Variants in POU2F3 observed in about 807,000 individuals in gnomAD.
The protein encoded by POU2F3 is POU class 2 homeobox 3.
A neutral mutation model predicts 59.2 loss-of-function variants in POU2F3; 23 were observed. That is an observed-to-expected ratio of 0.39 (90% CI 0.28 to 0.55). The LOEUF (loss-of-function observed/expected upper bound fraction) is 0.55. Among genes scored for constraint, POU2F3 ranks in the 20% least tolerant of loss-of-function variants. POU2F3 has a pLI of 0.66. For missense variants in POU2F3, 473 were observed against 544.5 expected (o/e 0.87, Z 1.31); for synonymous variants, 190 against 214.6 (o/e 0.89, Z 1.00).
At chr11:120,290,373 G>A (rs1481304723) in intron 3 of POU2F3, among the ~76,000 whole-genome samples, 6 of 152,148 alleles carry the variant, frequency 3.9e-5, no homozygotes, top group Non-Finnish European at 7.3e-5. Flanking sequence ...GCCTGGAAAT[G>A]TTTACCCCAA....
At chr11:120,317,115 G>C in intron 11 of POU2F3, 114 bp from the exon 12 acceptor site, 1 of 1,280,632 alleles carries the variant, frequency 7.8e-7, no homozygotes, top group Non-Finnish European at 1.1e-6. Flanking sequence ...CTAGGGAGAG[G>C]GTGAGGTCCC....
intron 9 of POU2F3, 37 bp downstream of exon 9, chr11:120,307,652 C>A (rs775508938): frequency 6.2e-7 from 1 of 1,611,722 alleles, no homozygotes; most frequent in Non-Finnish European, 8.5e-7. Flanking sequence ...GGTGGGCTAC[C>A]TCACACAGGT....
chr11:120,272,336 T>A (rs1463460279), intron 3 of POU2F3, among the ~76,000 whole-genome samples: 1 of 152,152 alleles, frequency 6.6e-6, no homozygotes, highest in East Asian at 1.9e-4. Flanking sequence ...ATTTTTCCCA[T>A]GAGGCCTTGC....
chr11:120,236,691 TGCTAAAGGAGGAAGG>T, upstream of POU2F3: 2 of 1,505,802 alleles, frequency 1.3e-6, no homozygotes, highest in Non-Finnish European at 1.8e-6. Context: ...CTCCAAGAAC[TGCTAAAGGAGGAAGG>T]GGTAAAGGAG....
intron 11 of POU2F3, among the ~76,000 whole-genome samples, chr11:120,315,933 C>T (rs1278024673): frequency 6.9e-6 from 1 of 145,944 alleles, no homozygotes; most frequent in Non-Finnish European, 1.5e-5. Context: ...AGTGCAATGG[C>T]ACGATCTCAG....
chr11:120,309,302 C>A (rs1941590147), intron 9 of POU2F3, 123 bp from the exon 10 acceptor site: 1 of 1,006,688 alleles, frequency 9.9e-7, no homozygotes, highest in Non-Finnish European at 1.4e-6. Context: ...GCCAGTATTT[C>A]ATCCTAGGTC....
chr11:120,299,815 G>A, intron 5 of POU2F3, 89 bp downstream of exon 5: 1 of 1,090,584 alleles, frequency 9.2e-7, no homozygotes, highest in South Asian at 1.5e-5. Flanking sequence ...GGCCTAATTG[G>A]AGAGCATGCG....
At position 120,269,024 on chromosome 11, in the gene POU2F3, C is replaced by T. The variant is rs577117937; in HGVS notation, c.98-186C>T. On this transcript the variant is annotated intron_variant, in intron 2 of 12. Transcript: ENST00000543440. ...TGACCCTTTACCCAGCTATCACCACCCTGGAGGAGACTTTCCAAAGGCGTT... is the reference window on the plus strand; with the variant it reads ...TGACCCTTTACCCAGCTATCACCACTCTGGAGGAGACTTTCCAAAGGCGTT... 3.9e-5 allele frequency among the ~76,000 whole-genome samples: 6 copies of T among 152,288 alleles called. No individual in the cohort carries two copies. In the East Asian group the frequency reaches 1.2e-3, roughly 29 times the overall value.
rs539253106 is a variant in POU2F3 at position 120,259,652 on chromosome 11, C to T, written c.98-9558C>T. On this transcript the variant is annotated intron_variant, in intron 2 of 12. Coordinates refer to ENST00000543440, the MANE Select transcript of POU2F3 (RefSeq NM_014352.4). ...CAGGCTTCTCCTGGATATTTCCTCA[C>T]TCCTAAGAAGGAGGTGGCAGGAATG... is the stretch of plus-strand genomic sequence containing the variant. Among the ~76,000 whole-genome samples the T allele has an allele frequency of 3.9e-5, 6 of 152,294 alleles. No individual in the cohort carries two copies. In the South Asian group the frequency reaches 8.3e-4, roughly 21 times the overall value.
chr11:120,274,305 C>T (rs915023946), intron 3 of POU2F3, among the ~76,000 whole-genome samples: 8 of 152,110 alleles, frequency 5.3e-5, no homozygotes, highest in South Asian at 2.1e-4. Flanking sequence ...ATCTGTCTCA[C>T]GGGGTTATTG....
chr11:120,273,279 T>C (rs1160919803), intron 3 of POU2F3, among the ~76,000 whole-genome samples: 1 of 152,192 alleles, frequency 6.6e-6, no homozygotes, highest in Non-Finnish European at 1.5e-5. Context: ...AAGTGCTGGA[T>C]AGAGAGGTGT....
intron 1 of POU2F3, among the ~76,000 whole-genome samples, chr11:120,241,340 C>A (rs1262203651): frequency 6.6e-6 from 1 of 152,144 alleles, no homozygotes; most frequent in Non-Finnish European, 1.5e-5. Flanking sequence ...AGGGAGGAGG[C>A]AATGCTCCAG....
upstream of POU2F3, among the ~76,000 whole-genome samples, chr11:120,238,882 C>T (rs1474267226): frequency 8.1e-5 from 12 of 148,974 alleles, no homozygotes. Context: ...CTCTCTAAGC[C>T]TCATTTTCCC....
chr11:120,294,696 A>G (rs1478115002), intron 3 of POU2F3, among the ~76,000 whole-genome samples: 1 of 152,198 alleles, frequency 6.6e-6, no homozygotes, highest in Non-Finnish European at 1.5e-5. Flanking sequence ...GAGAGTGTCA[A>G]AGATGTCTGT....
chr11:120,240,278 G>A lies in POU2F3; in HGVS notation c.-66G>A. ...GAGGAAGGAGACCCTGGCTTCGCAG[G>A]GGCCCCGGCTGGGGCAGAGGCGAGG... On this transcript the variant is annotated 5_prime_UTR_variant, in exon 1 of 13. Coordinates refer to ENST00000543440, the MANE Select transcript of POU2F3 (RefSeq NM_014352.4). 2 of 1,272,640 alleles carry A rather than the reference G, an allele frequency of 1.6e-6. No individual in the cohort carries two copies. The highest frequency in any genetic ancestry group is 2.0e-6 in the Non-Finnish European group (2 of 1,001,564). 78.8% of individuals were successfully genotyped at this position (1,272,640 alleles called of 1,614,324 possible). A position where few individuals can be genotyped will look rare whatever the true frequency, so the allele number is the denominator to read the frequency against.
At chr11:120,269,140 G>GT in intron 2 of POU2F3, 70 bp from the exon 3 acceptor site, 2 of 1,309,140 alleles carry the variant, frequency 1.5e-6, no homozygotes, top group Non-Finnish European at 1.1e-6. Flanking sequence ...CAACATCCTA[G>GT]TTTTTTTCTA....
chr11:120,317,785 C>G (rs905840158), intron 12 of POU2F3, among the ~76,000 whole-genome samples: 3 of 152,190 alleles, frequency 2.0e-5, no homozygotes, highest in African/African-American at 7.2e-5. Context: ...GAAGTGGTGC[C>G]AATTCCTGTC....
chr11:120,308,312 G>A (rs1032858118), intron 9 of POU2F3, among the ~76,000 whole-genome samples: 11 of 152,180 alleles, frequency 7.2e-5, no homozygotes, highest in Non-Finnish European at 1.3e-4. Flanking sequence ...CTCCAGAGCC[G>A]CCATGGGTAC....
intron 2 of POU2F3, among the ~76,000 whole-genome samples, chr11:120,264,338 C>T (rs1394582904): frequency 1.3e-5 from 2 of 152,116 alleles, no homozygotes; most frequent in South Asian, 4.1e-4. Flanking sequence ...AAGCTGAGAT[C>T]GCACCACTGC....
Sources: allele counts gnomAD v4.1 joint callset (sites outside exome capture counted in the v4.1 genomes callset), GRCh38; gene constraint gnomAD v4.1.1; transcripts MANE v1.5; gene names NCBI Gene and HGNC (gene_info 2026-07-23, HGNC 2026-07-21).